RANBP2: variants seen among roughly 807,000 people sequenced by gnomAD.
The protein encoded by RANBP2 is E3 SUMO-protein ligase RanBP2.
A neutral mutation model predicts 303.6 loss-of-function variants in RANBP2; 57 were observed. The ratio of observed to expected loss-of-function variants is 0.19; its 90% CI spans 0.15 to 0.23. The LOEUF is 0.23. RANBP2 is among the 10% of genes least tolerant of loss of function. The pLI, the probability that RANBP2 is intolerant of heterozygous loss-of-function variation, is 1.00. For missense variants in RANBP2, 3,138 were observed against 3,780.8 expected, an observed-to-expected ratio of 0.83 and a Z score of 4.46; for synonymous variants, 1,167 against 1,301.5, an observed-to-expected ratio of 0.90 and a Z score of 2.23.
the RANBP2 span, among the ~76,000 whole-genome samples, chr2:109,642,168 C>A: frequency 6.6e-6 from 1 of 152,162 alleles, no homozygotes; most frequent in East Asian, 1.9e-4. Flanking sequence ...CCGTGTTATC[C>A]ACCTGCCTTG....
the RANBP2 span, among the ~76,000 whole-genome samples, chr2:109,354,229 G>A: frequency 3.3e-5 from 5 of 152,286 alleles, no homozygotes; most frequent in East Asian, 1.9e-4. Flanking sequence ...CCTGTGTGCC[G>A]CCAACGGATA....
the RANBP2 span, among the ~76,000 whole-genome samples, chr2:109,275,109 C>T: frequency 1.3e-5 from 2 of 152,120 alleles, no homozygotes; most frequent in African/African-American, 2.4e-5. Context: ...AAATGTGTTC[C>T]ACGCTTGTCT....
At chr2:109,318,078 G>A in the RANBP2 span, among the ~76,000 whole-genome samples, 2 of 146,802 alleles carry the variant, frequency 1.4e-5, no homozygotes, top group Admixed American at 1.4e-4. Context: ...TCTAAGCCAT[G>A]AGCACGCTGA....
At chr2:109,425,459 C>A in the RANBP2 span, among the ~76,000 whole-genome samples, 1 of 152,126 alleles carries the variant, frequency 6.6e-6, no homozygotes, top group Non-Finnish European at 1.5e-5. Context: ...GATATCAAGG[C>A]CTGGCTTCAA....
chr2:109,576,900 G>A, the RANBP2 span, among the ~76,000 whole-genome samples: 4 of 152,092 alleles, frequency 2.6e-5, no homozygotes, highest in Non-Finnish European at 5.9e-5. Flanking sequence ...AAACAGAAAA[G>A]AGGGCAGAAG....
At chr2:109,281,075 A>G in the RANBP2 span, among the ~76,000 whole-genome samples, 4 of 152,226 alleles carry the variant, frequency 2.6e-5, no homozygotes, top group Admixed American at 2.0e-4. Flanking sequence ...AGGGCCAGAG[A>G]GAGAGGACTG....
chr2:108,948,231 C>A, the RANBP2 span, among the ~76,000 whole-genome samples: 1 of 152,222 alleles, frequency 6.6e-6, no homozygotes, highest in African/African-American at 2.4e-5. Context: ...CATCTGAGAC[C>A]ACCTAAGCCT....
chr2:109,044,588 T>C, the RANBP2 span, among the ~76,000 whole-genome samples: 3 of 67,798 alleles, frequency 4.4e-5, no homozygotes. Context: ...AAAATATTTA[T>C]GGAATTGTCC....
At chr2:109,207,898 A>G in the RANBP2 span, among the ~76,000 whole-genome samples, 3,726 of 152,292 alleles carry the variant, frequency 0.024, 158 homozygotes, top group African/African-American at 0.084. Flanking sequence ...TCCCTGTATC[A>G]TCATTTTCCC....
At chr2:108,924,002 C>T in the RANBP2 span, among the ~76,000 whole-genome samples, 1 of 152,256 alleles carries the variant, frequency 6.6e-6, no homozygotes, top group South Asian at 2.1e-4. Context: ...CCAGAGAGGT[C>T]AATGCAGGTG....
downstream of RANBP2, chr2:108,788,706 C>A (rs1446586282): frequency 1.8e-6 from 2 of 1,105,474 alleles, no homozygotes; most frequent in African/African-American, 3.2e-5. Flanking sequence ...GGTGACAGAG[C>A]GAGACTCCGT....
the RANBP2 span, among the ~76,000 whole-genome samples, chr2:108,964,592 A>G: frequency 6.6e-6 from 1 of 152,210 alleles, no homozygotes; most frequent in African/African-American, 2.4e-5. Context: ...TTTTAACAAC[A>G]AAGGGCAGCT....
In RANBP2 at chr2:108,763,767, G is replaced by C; in HGVS notation, c.3228G>C (p.Leu1076Phe). ...GTCTCCTGACTTCAGATAAACCCTT[G>C]CAAGGAGATGGCTATAGTGGAGCCA... ...LLGLLTSDKP[L>F]QGDGYSGAKP... is the part of the protein sequence containing the mutation. The change falls in exon 20 of 29, where the codon TTG (leucine) becomes TTC (phenylalanine). Residue 1076 changes from leucine to phenylalanine, a missense_variant. By Grantham distance (22) the Leu-to-Phe change is conservative (BLOSUM62 0). Transcript: ENST00000283195. The C allele has an allele frequency of 1.2e-6, 2 of 1,614,084 alleles. No homozygotes were observed. Among genetic ancestry groups the C allele is most frequent in the Non-Finnish European group, 1.7e-6 (2 of 1,179,964 alleles).
At chr2:108,889,629 G>T in the RANBP2 span, among the ~76,000 whole-genome samples, 1 of 150,796 alleles carries the variant, frequency 6.6e-6, no homozygotes, top group African/African-American at 2.5e-5. Flanking sequence ...CTTAATTTTG[G>T]TTTTCATTTG....
chr2:109,037,403 A>G, the RANBP2 span, among the ~76,000 whole-genome samples: 2 of 151,954 alleles, frequency 1.3e-5, no homozygotes, highest in Admixed American at 1.3e-4. Context: ...TGGGAAAGAG[A>G]CAAGCAATCT....
At chr2:108,980,024 T>C in the RANBP2 span, among the ~76,000 whole-genome samples, 6 of 150,350 alleles carry the variant, frequency 4.0e-5, no homozygotes, top group African/African-American at 9.8e-5. Flanking sequence ...CCTCTCAAGC[T>C]TGCTGTATCA....
At chr2:109,271,155 T>C in the RANBP2 span, among the ~76,000 whole-genome samples, 1 of 152,154 alleles carries the variant, frequency 6.6e-6, no homozygotes, top group Non-Finnish European at 1.5e-5. Context: ...AGTGAGGGTG[T>C]GTGCTTGGCT....
the RANBP2 span, among the ~76,000 whole-genome samples, chr2:109,195,653 G>T: frequency 6.6e-6 from 1 of 152,182 alleles, no homozygotes; most frequent in Non-Finnish European, 1.5e-5. Context: ...CTCTGACCGT[G>T]TGCCAGAGAG....
chr2:109,217,342 G>C, the RANBP2 span, among the ~76,000 whole-genome samples: 22 of 152,110 alleles, frequency 1.4e-4, no homozygotes, highest in Non-Finnish European at 3.1e-4. Context: ...TACGTATTTG[G>C]AACTGCACTT....
Sources: gnomAD v4.1 joint callset for allele counts (sites outside exome capture counted in the v4.1 genomes callset) on GRCh38, gnomAD v4.1.1 for gene constraint, MANE v1.5 for transcripts, NCBI Gene and HGNC (gene_info 2026-07-23, HGNC 2026-07-21) for gene names.